Variants in LY96 observed in about 807,000 individuals in gnomAD.
The protein encoded by LY96 is lymphocyte antigen 96, also known as myeloid differentiation protein-2.
Under a neutral mutation model 18.9 loss-of-function variants are expected in LY96, and 18 were observed. The ratio of observed to expected loss-of-function variants is 0.95; its 90% confidence interval spans 0.66 to 1.41. The LOEUF (loss-of-function observed/expected upper bound fraction) is 1.41. LY96 is among the 40% of genes most tolerant of loss of function. LY96 has a pLI of 0.00. For synonymous variants in LY96, 66 were observed against 62.6 expected, an observed-to-expected ratio of 1.06 and a Z score of -0.26; for missense variants, 175 against 182.4, an observed-to-expected ratio of 0.96 and a Z score of 0.23.
the LY96 span, among the ~76,000 whole-genome samples, chr8:74,092,304 C>T: frequency 6.6e-6 from 1 of 152,156 alleles, no homozygotes. Flanking sequence ...CCAGTATCCC[C>T]ACATTGCCCC....
the LY96 span, among the ~76,000 whole-genome samples, chr8:74,072,261 T>A: frequency 1.5e-3 from 233 of 152,310 alleles, 2 homozygotes; most frequent in African/African-American, 4.9e-3. Context: ...AAATTTTAAA[T>A]TTTACCAAAC....
At chr8:74,042,053 T>G in the LY96 span, among the ~76,000 whole-genome samples, 1 of 152,202 alleles carries the variant, frequency 6.6e-6, no homozygotes, top group East Asian at 1.9e-4. Context: ...CTCTTTATTC[T>G]CTTTCTCTTT....
the LY96 span, among the ~76,000 whole-genome samples, chr8:74,047,535 C>T: frequency 1.3e-5 from 2 of 152,186 alleles, no homozygotes; most frequent in Admixed American, 1.3e-4. Flanking sequence ...GTAATATAAT[C>T]CTTGTGCACA....
At chr8:74,000,935 C>T (rs1007871007) in intron 1 of LY96, among the ~76,000 whole-genome samples, 2 of 152,174 alleles carry the variant, frequency 1.3e-5, no homozygotes, top group African/African-American at 4.8e-5. Context: ...TCCACACCCA[C>T]AATAACTAAT....
the LY96 span, among the ~76,000 whole-genome samples, chr8:74,094,086 A>G: frequency 6.6e-6 from 1 of 152,216 alleles, no homozygotes; most frequent in African/African-American, 2.4e-5. Flanking sequence ...ACTCAAGTAT[A>G]TCGCCGGTCC....
chr8:74,029,607 C>T (rs915400276), downstream of LY96, among the ~76,000 whole-genome samples: 3 of 152,164 alleles, frequency 2.0e-5, no homozygotes, highest in Non-Finnish European at 4.4e-5. Flanking sequence ...ATGATTGTTT[C>T]CTGAGGCCTC....
At chr8:74,002,012 TTC>T (rs1563710559) in intron 1 of LY96, among the ~76,000 whole-genome samples, 400 of 9,808 alleles carry the variant, frequency 0.041, 77 homozygotes, top group African/African-American at 0.12. Flanking sequence ...CCTTTCTTCC[TTC>T]CTTCCTTCCT....
intron 3 of LY96, among the ~76,000 whole-genome samples, chr8:74,022,014 T>C (rs1001545466): frequency 2.6e-5 from 4 of 151,988 alleles, no homozygotes; most frequent in African/African-American, 7.3e-5. Context: ...GGCACATGTA[T>C]ACATATGTAA....
chr8:74,058,553 T>C, the LY96 span, among the ~76,000 whole-genome samples: 3 of 151,134 alleles, frequency 2.0e-5, no homozygotes, highest in African/African-American at 4.9e-5. Flanking sequence ...GGAGTCTTGC[T>C]TTGTCACCCA....
chr8:74,040,055 C>A, the LY96 span, among the ~76,000 whole-genome samples: 3 of 152,166 alleles, frequency 2.0e-5, no homozygotes, highest in Admixed American at 6.5e-5. Context: ...CTTATGCGGG[C>A]GTGACAGAAG....
chr8:74,075,086 G>C, the LY96 span, among the ~76,000 whole-genome samples: 1 of 152,312 alleles, frequency 6.6e-6, no homozygotes, highest in African/African-American at 2.4e-5. Flanking sequence ...GAGGGGCGTT[G>C]AAGTCTACAG....
chr8:74,084,774 C>T, the LY96 span, among the ~76,000 whole-genome samples: 15 of 152,124 alleles, frequency 9.9e-5, no homozygotes, highest in African/African-American at 2.2e-4. Context: ...CCACCACGCC[C>T]GGCTAATTTT....
the LY96 span, among the ~76,000 whole-genome samples, chr8:74,076,257 A>C: frequency 6.6e-6 from 1 of 151,676 alleles, no homozygotes; most frequent in Non-Finnish European, 1.5e-5. Context: ...GAACCATTAT[A>C]GATTAAGAAA....
the LY96 span, among the ~76,000 whole-genome samples, chr8:74,038,030 A>G: frequency 1.1e-4 from 16 of 152,324 alleles, no homozygotes; most frequent in African/African-American, 3.8e-4. Context: ...TTATGGGTAC[A>G]TAGTAGGTAT....
the LY96 span, among the ~76,000 whole-genome samples, chr8:74,042,794 T>C: frequency 5.3e-5 from 8 of 151,532 alleles, no homozygotes; most frequent in African/African-American, 1.9e-4. Flanking sequence ...TTTTTTTTTT[T>C]CGAGACAGAG....
the LY96 span, among the ~76,000 whole-genome samples, chr8:74,053,614 C>T: frequency 1.3e-5 from 2 of 152,194 alleles, no homozygotes; most frequent in South Asian, 4.1e-4. Flanking sequence ...ACTCTCATTG[C>T]TCTTCTTACC....
chr8:74,033,872 G>A (rs907379472), downstream of LY96, among the ~76,000 whole-genome samples: 10 of 149,850 alleles, frequency 6.7e-5, no homozygotes, highest in African/African-American at 2.2e-4. Flanking sequence ...AGTAAGATTC[G>A]TTTCTTTCAA....
At chr8:74,005,124 T>C (rs1205942025) in intron 2 of LY96, among the ~76,000 whole-genome samples, 2 of 152,326 alleles carry the variant, frequency 1.3e-5, no homozygotes, top group East Asian at 3.9e-4. Flanking sequence ...ATCAAGGTGT[T>C]TGCCAGGCTG....
the LY96 span, among the ~76,000 whole-genome samples, chr8:74,085,304 C>T: frequency 4.4e-3 from 665 of 152,310 alleles, 4 homozygotes; most frequent in Non-Finnish European, 7.3e-3. Context: ...GTTTCAAAGC[C>T]AGACATCTTA....
Sources: gnomAD v4.1 joint callset for allele counts (sites outside exome capture counted in the v4.1 genomes callset) on GRCh38, gnomAD v4.1.1 for gene constraint, MANE v1.5 for transcripts, NCBI Gene and HGNC (gene_info 2026-07-23, HGNC 2026-07-21) for gene names.